Variants in FGGY observed in about 807,000 individuals in gnomAD.
The protein encoded by FGGY is FGGY carbohydrate kinase domain containing.
A neutral mutation model predicts 71.3 loss-of-function variants in FGGY; 72 were observed. That is an observed-to-expected ratio of 1.01 (90% confidence interval 0.84 to 1.23). FGGY has a LOEUF of 1.23. FGGY is among the 50% of genes most tolerant of loss of function. FGGY has a pLI of 0.00. For synonymous variants in FGGY, 251 were observed against 250.3 expected (o/e 1.00, Z -0.02); for missense variants, 668 against 682.3 (o/e 0.98, Z 0.23).
intron 2 of FGGY, among the ~76,000 whole-genome samples, chr1:59,322,863 C>T (rs1236649368): frequency 6.6e-6 from 1 of 152,084 alleles, no homozygotes; most frequent in Non-Finnish European, 1.5e-5. Context: ...GTCCTGGATT[C>T]CTTCTTTTCC....
Position 59,498,112 on chromosome 1 carries a change from A to C in FGGY, c.671-14199A>C, listed in dbSNP as rs909589432. The stretch of plus-strand genomic sequence containing the variant: ...GAGTTAGCTTTTCTTTATTGTTATT[A>C]GGAGATTAATAAAAATTGACCTCAT... On this transcript the variant is annotated intron_variant, in intron 6 of 15. Transcript: ENST00000303721. Among the ~76,000 whole-genome samples, 4 of 152,210 alleles carry C rather than the reference A, an allele frequency of 2.6e-5. No individual in the cohort carries two copies. In the South Asian group the frequency reaches 8.3e-4, roughly 32 times the overall value.
rs545334563 is a variant in FGGY at position 59,413,642 on chromosome 1, AC to A, written c.554+34807del. 2.1e-3 allele frequency among the ~76,000 whole-genome samples: 318 copies of A among 152,082 alleles called. 3 individuals are homozygous for A. The highest frequency in any genetic ancestry group is 3.1e-3 in the Non-Finnish European group (209 of 67,958). ...TAGTTTTTAAGAAATTCATTTAGGTACCAAACATAAAAAAAAACCCAGACTT... is the reference window on the plus strand; with the variant it reads ...TAGTTTTTAAGAAATTCATTTAGGTACAAACATAAAAAAAAACCCAGACTT... On this transcript the variant is annotated intron_variant, in intron 5 of 15. Coordinates refer to ENST00000303721, the MANE Select transcript of FGGY (RefSeq NM_018291.5).
chr1:59,593,555 A>C (rs1158144342), intron 8 of FGGY, among the ~76,000 whole-genome samples: 1 of 152,236 alleles, frequency 6.6e-6, no homozygotes, highest in Non-Finnish European at 1.5e-5. Flanking sequence ...AGAAAGTGCA[A>C]ATAAATCCAC....
chr1:59,398,834 T>G, intron 5 of FGGY, among the ~76,000 whole-genome samples: 1 of 152,222 alleles, frequency 6.6e-6, no homozygotes, highest in Non-Finnish European at 1.5e-5. Context: ...ATAATAATAT[T>G]AACTTCTATT....
At chr1:59,440,697 G>T (rs139947670) in intron 5 of FGGY, among the ~76,000 whole-genome samples, 1 of 148,008 alleles carries the variant, frequency 6.8e-6, no homozygotes. Context: ...AAATAATTTA[G>T]CAGGTGATCA....
chr1:59,636,448 C>T (rs1015546126), intron 10 of FGGY, among the ~76,000 whole-genome samples: 2 of 151,928 alleles, frequency 1.3e-5, no homozygotes, highest in Admixed American at 6.6e-5. Flanking sequence ...GGTGAAGCCC[C>T]GTCTATACTA....
chr1:59,320,867 A>G (rs1197333070), intron 1 of FGGY, among the ~76,000 whole-genome samples: 2 of 152,252 alleles, frequency 1.3e-5, no homozygotes, highest in African/African-American at 2.4e-5. Context: ...TTAACTTCTC[A>G]TAGACTTGCT....
intron 5 of FGGY, among the ~76,000 whole-genome samples, chr1:59,404,535 T>G (rs1449184753): frequency 1.3e-5 from 2 of 152,144 alleles, no homozygotes; most frequent in Non-Finnish European, 2.9e-5. Context: ...GCACAGGTAG[T>G]TGTTGAGCGT....
chr1:59,373,161 C>A (rs924901378), intron 4 of FGGY, among the ~76,000 whole-genome samples: 1 of 152,016 alleles, frequency 6.6e-6, no homozygotes, highest in Non-Finnish European at 1.5e-5. Context: ...CTAGAAAACC[C>A]CATTGTCTCA....
chr1:59,537,412 G>T (rs2095347081), intron 7 of FGGY, among the ~76,000 whole-genome samples: 1 of 152,152 alleles, frequency 6.6e-6, no homozygotes, highest in Non-Finnish European at 1.5e-5. Context: ...CATGAAAATG[G>T]CCATACTGCC....
At chr1:59,587,346 A>G (rs1388862759) in intron 8 of FGGY, among the ~76,000 whole-genome samples, 1 of 152,080 alleles carries the variant, frequency 6.6e-6, no homozygotes, top group Non-Finnish European at 1.5e-5. Flanking sequence ...CTGCCTCTGT[A>G]GGCTCCACCT....
At chr1:59,378,616 A>G in intron 4 of FGGY, 133 bp from the exon 5 acceptor site, 2 of 664,698 alleles carry the variant, frequency 3.0e-6, no homozygotes, top group Non-Finnish European at 5.2e-6. Flanking sequence ...TCCTACCCCC[A>G]CCAAGCTCCT....
intron 6 of FGGY, among the ~76,000 whole-genome samples, chr1:59,478,754 G>A (rs2093362469): frequency 6.6e-6 from 1 of 152,108 alleles, no homozygotes; most frequent in Non-Finnish European, 1.5e-5. Context: ...AGATATGTGT[G>A]AGAGACTCTA....
chr1:59,364,533 T>C (rs1246671042), intron 4 of FGGY, among the ~76,000 whole-genome samples: 2 of 152,226 alleles, frequency 1.3e-5, no homozygotes, highest in African/African-American at 4.8e-5. Context: ...TATTCATTCA[T>C]TAGCTAACAT....
At chr1:59,346,173 A>G in intron 3 of FGGY, 74 bp from the exon 4 acceptor site, 1 of 1,557,788 alleles carries the variant, frequency 6.4e-7, no homozygotes, top group South Asian at 1.2e-5. Flanking sequence ...TGATCTTGGG[A>G]ATCCATAATT....
At chr1:59,644,269 C>G (rs1381842069) in intron 11 of FGGY, among the ~76,000 whole-genome samples, 2 of 152,160 alleles carry the variant, frequency 1.3e-5, no homozygotes, top group Non-Finnish European at 2.9e-5. Context: ...GGACATAACC[C>G]AGGAATCTCT....
At chr1:59,678,673 T>G (rs2097460978) in intron 14 of FGGY, among the ~76,000 whole-genome samples, 2 of 152,204 alleles carry the variant, frequency 1.3e-5, no homozygotes, top group Admixed American at 1.3e-4. Flanking sequence ...TGTAATTTCT[T>G]ATCTTCAGGG....
At chr1:59,369,485 G>A (rs1318045260) in intron 4 of FGGY, among the ~76,000 whole-genome samples, 1 of 152,194 alleles carries the variant, frequency 6.6e-6, no homozygotes. Context: ...TGGGGGCAGG[G>A]CACAGACAAA....
At chr1:59,673,311 G>A (rs1191750267) in intron 13 of FGGY, among the ~76,000 whole-genome samples, 2 of 152,176 alleles carry the variant, frequency 1.3e-5, no homozygotes, top group Non-Finnish European at 2.9e-5. Context: ...CTTGAAGGAT[G>A]GGCCGGCAAT....
Sources: gnomAD v4.1 joint callset for allele counts (sites outside exome capture counted in the v4.1 genomes callset) on GRCh38, gnomAD v4.1.1 for gene constraint, MANE v1.5 for transcripts, NCBI Gene and HGNC (gene_info 2026-07-23, HGNC 2026-07-21) for gene names.